RAX: variants seen among roughly 807,000 people sequenced by gnomAD.
RAX encodes the protein retinal homeobox protein Rx.
Under a neutral mutation model 17.4 loss-of-function variants are expected in RAX, and 11 were observed. That is an observed-to-expected ratio of 0.63 (90% CI 0.40 to 1.05). The LOEUF is 1.05. Among genes scored for constraint, RAX ranks in the 50% least tolerant of loss-of-function variants. RAX has a pLI of 0.00. For missense variants in RAX, 527 were observed against 501.1 expected (o/e 1.05, Z -0.49); for synonymous variants, 276 against 254.7 (o/e 1.08, Z -0.80).
At chr18:59,272,880 GC>G (rs2070351001) in intron 1 of RAX, 37 bp downstream of exon 1, 1 of 1,489,340 alleles carries the variant, frequency 6.7e-7, no homozygotes, top group Non-Finnish European at 8.8e-7. Context: ...AAGCTCGGGC[GC>G]CCGAACGGCC....
chr18:59,269,354 C>A lies in RAX; in HGVS notation c.691G>T (p.Gly231Cys). The change falls in exon 3 of 3, where the codon GGT (glycine) becomes TGT (cysteine). Residue 231 changes from glycine (G) to cysteine (C), a missense_variant. By Grantham distance (159) the Gly-to-Cys change is radical. Coordinates refer to ENST00000334889, the MANE Select transcript of RAX (RefSeq NM_013435.3). Reference protein sequence around the residue: ...LSPLGAGPGSGGGPAGGALPL... With the variant: ...LSPLGAGPGSCGGPAGGALPL... ...AGCGCGCCCCCAGCCGGCCCGCCAC[C>A]GCTGCCCGGGCCCGCCCCGAGGGGC... 1 of 1,400,066 alleles carries A rather than the reference C, an allele frequency of 7.1e-7. No individual in the cohort carries two copies. The highest frequency in any genetic ancestry group is 9.3e-7 in the Non-Finnish European group (1 of 1,076,232). 86.7% of individuals were successfully genotyped at this position (1,400,066 alleles called of 1,614,324 possible).
chr18:59,272,688 G>C, intron 1 of RAX, 74 bp from the exon 2 acceptor site: 1 of 1,504,276 alleles, frequency 6.6e-7, no homozygotes, highest in Non-Finnish European at 8.8e-7. Context: ...CTCGCTGTGG[G>C]CACTGGCCAG....
Position 59,269,285 on chromosome 18 carries a change from C to A in RAX, c.760G>T (p.Ala254Ser). 1 of 1,310,046 alleles carries A rather than the reference C, an allele frequency of 7.6e-7. No individual in the cohort carries two copies. Among genetic ancestry groups the A allele is most frequent in the Non-Finnish European group, 9.7e-7 (1 of 1,035,078 alleles). The allele number at this position is 1,310,046 out of a possible 1,614,324, so 81.2% of individuals were successfully genotyped here. A position where few individuals can be genotyped will look rare whatever the true frequency, so the allele number is the denominator to read the frequency against. Residue 254 changes from alanine (A) to serine (S), a missense_variant, in exon 3 of 3, where the codon GCC becomes TCC. By Grantham distance (99) the Ala-to-Ser change is moderately conservative. Transcript: ENST00000334889. ...CCCGGCAGGCTCTGCAGCGCCGTGG[C>A]GCCCCCGCCCGGCAGCGGCGGCCCG... is the stretch of plus-strand genomic sequence containing the variant. The part of the protein sequence containing the change: ...WLGPPLPGGG[A>S]TALQSLPGFG...
chr18:59,269,562 C>G, intron 2 of RAX, 61 bp from the exon 3 acceptor site: 1 of 1,573,996 alleles, frequency 6.4e-7, no homozygotes, highest in Non-Finnish European at 8.6e-7. Flanking sequence ...CGTCCCCAAC[C>G]CTGAGCCGGT....
At position 59,268,609 on chromosome 18, in the gene RAX, C is replaced by T. The variant is rs1017137886; in HGVS notation, c.*395G>A. 9.6e-6 allele frequency: 3 copies of T among 312,020 alleles called. No individual in the cohort carries two copies. In the East Asian group the frequency reaches 1.9e-4, roughly 20 times the overall value. The allele number at this position is 312,020 out of a possible 1,614,324, so 19.3% of individuals were successfully genotyped here. On this transcript the variant is annotated 3_prime_UTR_variant, in exon 3 of 3. Transcript: ENST00000334889. The surrounding 1 kb of genome is among the most constrained non-coding windows in gnomAD (Gnocchi z 4.4). ...TTTCTCAAACTCTATTTTTCCGCCT[C>T]CCCTGCTTCCCTGTTATGGTTATCT...
intron 2 of RAX, among the ~76,000 whole-genome samples, chr18:59,272,014 G>T (rs935869319): frequency 6.6e-6 from 1 of 152,160 alleles, no homozygotes; most frequent in African/African-American, 2.4e-5. Flanking sequence ...TGTCACCCTC[G>T]ATCACTACCT....
Position 59,269,262 on chromosome 18 carries a change from C to G in RAX, c.783G>C (p.Pro261=), listed in dbSNP as rs766154387. ...GGGATALQSL[P]GFGPPAQSLP... ...GGCTCTGCGCCGGCGGCCCGAAGCC[C>G]GGCAGGCTCTGCAGCGCCGTGGCGC... Residue 261 remains proline (P), a synonymous_variant, in exon 3 of 3, where the codon CCG becomes CCC. Transcript: ENST00000334889. 4.7e-4 allele frequency: 700 copies of G among 1,494,934 alleles called. No individual in the cohort carries two copies. Among genetic ancestry groups the G allele is most frequent in the Non-Finnish European group, 5.9e-4 (664 of 1,129,274 alleles). 92.6% of individuals were successfully genotyped at this position (1,494,934 alleles called of 1,614,324 possible). A position where few individuals can be genotyped will look rare whatever the true frequency, so the allele number is the denominator to read the frequency against.
chr18:59,272,820 G>A lies in RAX; in HGVS notation c.289+98C>T, dbSNP rs571894901. On this transcript the variant is annotated intron_variant, in intron 1 of 2. Transcript: ENST00000334889. ...TAGACGGTCCCCAACCCCGCGCCCA[G>A]TTGCCTTAATAAAAGTTAAGGAAGG... 1.2e-3 allele frequency: 1,795 copies of A among 1,449,822 alleles called. 2 individuals carry two copies. Among genetic ancestry groups the A allele is most frequent in the Middle Eastern group, 3.9e-3 (15 of 3,868 alleles). 89.8% of individuals were successfully genotyped at this position (1,449,822 alleles called of 1,614,324 possible).
rs1234510335 is a variant in RAX at position 59,269,077 on chromosome 18, C to T, written c.968G>A (p.Ser323Asn). 2 of 1,612,642 alleles carry T rather than the reference C, an allele frequency of 1.2e-6. No homozygotes were observed. Among genetic ancestry groups the T allele is most frequent in the East Asian group, 4.5e-5 (2 of 44,852 alleles). ...TTTCAGACGCAGCGCCGCGATGCTG[C>T]TGTTGCGCGGGTCCGCCTCGTCCAG... ...FPLDEADPRN[S>N]SIAALRLKAK... The change falls in exon 3 of 3, where the codon AGC (serine) becomes AAC (asparagine). Residue 323 changes from serine to asparagine, a missense_variant. Transcript: ENST00000334889.
Position 59,272,579 on chromosome 18 carries a change from C to T in RAX, c.325G>A (p.Ala109Thr). The change falls in exon 2 of 3, where the codon GCA (alanine) becomes ACA (threonine). Residue 109 changes from alanine (A) to threonine (T), a missense_variant. Coordinates refer to ENST00000334889, the MANE Select transcript of RAX (RefSeq NM_013435.3). ...RPYCPKEPGE[A>T]RPSPGLPVGP... ...ACGGGCAGCCCTGGGCTCGGCCGTGCCTCCCCGGGCTCCTTGGGGCAGTAG... is the reference window on the plus strand; with the variant it reads ...ACGGGCAGCCCTGGGCTCGGCCGTGTCTCCCCGGGCTCCTTGGGGCAGTAG... The T allele has an allele frequency of 6.2e-7, 1 of 1,613,550 alleles. No homozygotes were observed. Among genetic ancestry groups the T allele is most frequent in the Non-Finnish European group, 8.5e-7 (1 of 1,179,936 alleles).
At chr18:59,270,930 C>A (rs2070333298) in intron 2 of RAX, among the ~76,000 whole-genome samples, 1 of 152,182 alleles carries the variant, frequency 6.6e-6, no homozygotes, top group Admixed American at 6.5e-5. Context: ...CTGTCCCACT[C>A]AATTCCCTAC....
rs1286579919 is a variant in RAX at position 59,269,213 on chromosome 18, G to A, written c.832C>T (p.Pro278Ser). 4 of 1,529,794 alleles carry A rather than the reference G, an allele frequency of 2.6e-6. No individual in the cohort carries two copies. Among genetic ancestry groups the A allele is most frequent in the South Asian group, 1.2e-5 (1 of 83,222 alleles). 94.8% of individuals were successfully genotyped at this position (1,529,794 alleles called of 1,614,324 possible). The change falls in exon 3 of 3, where the codon CCG becomes TCG. Residue 278 changes from proline (P) to serine (S), a missense_variant. By Grantham distance (74) the Pro-to-Ser change is moderately conservative. Coordinates refer to ENST00000334889, the MANE Select transcript of RAX (RefSeq NM_013435.3). Reference sequence around the variant, plus strand: ...GAGTTCAGGAAGGGCGGAGGCGGCGGCGGTGGCGTGTAGCTGGCAGGCAGG... The same window carrying A: ...GAGTTCAGGAAGGGCGGAGGCGGCGACGGTGGCGTGTAGCTGGCAGGCAGG... Reference protein sequence around the residue: ...QSLPASYTPPPPPPPFLNSPP... With the variant: ...QSLPASYTPPSPPPPFLNSPP...
chr18:59,272,445 G>A lies in RAX; in HGVS notation c.459C>T (p.Arg153=). The part of the protein sequence containing the change: ...FTTYQLHELE[R]AFEKSHYPDV... ...CCGGGTAGTGGGACTTCTCGAACGC[G>A]CGCTCCAGCTCATGCAGCTGGTACG... Residue 153 remains arginine (R), a synonymous_variant, in exon 2 of 3, where the codon CGC becomes CGT. Transcript: ENST00000334889. 1.2e-6 allele frequency: 2 copies of A among 1,614,244 alleles called. No individual in the cohort carries two copies. The highest frequency in any genetic ancestry group is 1.7e-6 in the Non-Finnish European group (2 of 1,180,050).
At position 59,272,909 on chromosome 18, in the gene RAX, C is replaced by T. The variant is rs752666721; in HGVS notation, c.289+9G>A. ...GAACGGCCTCGCACAGCCAGGGGTG[C>T]GCACTCACCTTCGTACTCGGGGGCG... On this transcript the variant is annotated intron_variant, in intron 1 of 2. Transcript: ENST00000334889. 6.7e-7 allele frequency: 1 copy of T among 1,487,590 alleles called. No homozygotes were observed. The highest frequency in any genetic ancestry group is 2.5e-5 in the Admixed American group (1 of 40,306). The allele number at this position is 1,487,590 out of a possible 1,614,324, so 92.1% of individuals were successfully genotyped here.
In RAX at chr18:59,273,240, G is replaced by A; in HGVS notation, c.-34C>T. ...CCGGGAGGCGGGAGGGCGCTTTGGA[G>A]ACGGAGAGGAGAGGCTCGAAGCCGG... On this transcript the variant is annotated 5_prime_UTR_variant, in exon 1 of 3. Transcript: ENST00000334889. The A allele has an allele frequency of 6.6e-7, 1 of 1,516,860 alleles. No individual in the cohort carries two copies. The highest frequency in any genetic ancestry group is 8.8e-7 in the Non-Finnish European group (1 of 1,137,726). The allele number at this position is 1,516,860 out of a possible 1,614,324, so 94.0% of individuals were successfully genotyped here.
At position 59,273,266 on chromosome 18, in the gene RAX, G is replaced by A; in HGVS notation, c.-60C>T. 1 of 1,471,748 alleles carries A rather than the reference G, an allele frequency of 6.8e-7. No homozygotes were observed. The highest frequency in any genetic ancestry group is 9.0e-7 in the Non-Finnish European group (1 of 1,109,812). 91.2% of individuals were successfully genotyped at this position (1,471,748 alleles called of 1,614,324 possible). ...ACGGAGAGGAGAGGCTCGAAGCCGGGTCTTCCCGAGTGCGGCGGTGCAACC... is the reference window on the plus strand; with the variant it reads ...ACGGAGAGGAGAGGCTCGAAGCCGGATCTTCCCGAGTGCGGCGGTGCAACC... On this transcript the variant is annotated 5_prime_UTR_variant, in exon 1 of 3. Transcript: ENST00000334889.
intron 2 of RAX, among the ~76,000 whole-genome samples, chr18:59,270,175 C>T (rs1207648062): frequency 6.6e-6 from 1 of 152,176 alleles, no homozygotes; most frequent in Non-Finnish European, 1.5e-5. Context: ...GTTATGATAA[C>T]TAGATAGGAG....
At position 59,272,162 on chromosome 18, in the gene RAX, T is replaced by C. The variant is rs553668695; in HGVS notation, c.543+199A>G. On this transcript the variant is annotated intron_variant, in intron 2 of 2. Transcript: ENST00000334889. ...GAAACCCCCAAAGGGGAGCTCGTAC[T>C]ACAAACTGGAACAGACTGCTTGAAG... 2.2e-4 allele frequency among the ~76,000 whole-genome samples: 34 copies of C among 152,374 alleles called. 3 individuals carry two copies. In the South Asian group the frequency reaches 7.0e-3, roughly 32 times the overall value.
chr18:59,273,242 C>A lies in RAX; in HGVS notation c.-36G>T, dbSNP rs2271732. On this transcript the variant is annotated 5_prime_UTR_variant, in exon 1 of 3. Transcript: ENST00000334889. ...GGGAGGCGGGAGGGCGCTTTGGAGA[C>A]GGAGAGGAGAGGCTCGAAGCCGGGT... 4 of 1,513,494 alleles carry A rather than the reference C, an allele frequency of 2.6e-6. No individual in the cohort carries two copies. The highest frequency in any genetic ancestry group is 3.5e-6 in the Non-Finnish European group (4 of 1,136,000). The allele number at this position is 1,513,494 out of a possible 1,614,324, so 93.8% of individuals were successfully genotyped here.
Sources: gnomAD v4.1 joint callset for allele counts (sites outside exome capture counted in the v4.1 genomes callset) on GRCh38, gnomAD v4.1.1 for gene constraint, Gnocchi (gnomAD v3.1) non-coding constraint, MANE v1.5 for transcripts, NCBI Gene and HGNC (gene_info 2026-07-23, HGNC 2026-07-21) for gene names.